The following CERS6 variants were observed in gnomAD, a reference collection of about 807,000 sequenced individuals.
CERS6 encodes LAG1 homolog, ceramide synthase 6.
CERS6 carries 26 observed loss-of-function variants against 56.8 expected under a neutral mutation model. That is an observed-to-expected ratio of 0.46 (90% CI 0.34 to 0.63). The LOEUF is 0.63. Ranked by LOEUF, CERS6 falls within the 30% of genes least tolerant of loss-of-function variation. The pLI is 0.01. For missense variants in CERS6, 415 were observed against 467.5 expected, an observed-to-expected ratio of 0.89 and a Z score of 1.04; for synonymous variants, 164 against 173.3, an observed-to-expected ratio of 0.95 and a Z score of 0.42.
chr2:168,565,688 A>G (rs534527115), intron 3 of CERS6, among the ~76,000 whole-genome samples: 2 of 152,350 alleles, frequency 1.3e-5, no homozygotes, highest in East Asian at 3.9e-4. Context: ...AGATGGAATG[A>G]GTAGAAGCTG....
At chr2:168,707,493 A>G (rs1475025369) in intron 6 of CERS6, among the ~76,000 whole-genome samples, 1 of 152,184 alleles carries the variant, frequency 6.6e-6, no homozygotes, top group Non-Finnish European at 1.5e-5. Flanking sequence ...TATTTATCTT[A>G]GGGTGCATAG....
chr2:168,472,079 G>A lies in CERS6; in HGVS notation c.170+15461G>A, dbSNP rs542454859. 3.3e-5 allele frequency among the ~76,000 whole-genome samples: 5 copies of A among 152,242 alleles called. No individual in the cohort carries two copies. The South Asian group carries it at 1.0e-3, about 32-fold the overall frequency. On this transcript the variant is annotated intron_variant, in intron 1 of 9. Transcript: ENST00000305747. ...GCTTAAAATTCCATCTTGGAGAAACGCTGATTCAGTCACCATTATACCCTA... is the reference window on the plus strand; with the variant it reads ...GCTTAAAATTCCATCTTGGAGAAACACTGATTCAGTCACCATTATACCCTA...
At chr2:168,720,210 A>G (rs903043662) in intron 8 of CERS6, among the ~76,000 whole-genome samples, 3 of 152,024 alleles carry the variant, frequency 2.0e-5, no homozygotes, top group African/African-American at 7.3e-5. Context: ...GATTACAGGC[A>G]TGAGCCACCG....
intron 8 of CERS6, among the ~76,000 whole-genome samples, chr2:168,725,155 A>C (rs887732310): frequency 4.6e-5 from 7 of 152,208 alleles, no homozygotes; most frequent in African/African-American, 1.7e-4. Flanking sequence ...TAAGCCCCTC[A>C]TTGCCCAGGG....
intron 1 of CERS6, among the ~76,000 whole-genome samples, chr2:168,530,038 A>G (rs1437595177): frequency 4.6e-5 from 7 of 152,214 alleles, no homozygotes; most frequent in Non-Finnish European, 1.0e-4. Context: ...TCTGAGGAAG[A>G]TGAATGATAA....
chr2:168,763,528 C>T (rs1684641093), intron 8 of CERS6, among the ~76,000 whole-genome samples: 1 of 152,216 alleles, frequency 6.6e-6, no homozygotes, highest in East Asian at 1.9e-4. Context: ...TCCCAAAGTG[C>T]TGGGATTACA....
chr2:168,491,006 A>G (rs1694361510), intron 1 of CERS6, among the ~76,000 whole-genome samples: 1 of 152,112 alleles, frequency 6.6e-6, no homozygotes, highest in Non-Finnish European at 1.5e-5. Flanking sequence ...GGCAGGTAAC[A>G]TTTTCTGAGG....
At chr2:168,661,566 T>C (rs1685629423) in intron 4 of CERS6, among the ~76,000 whole-genome samples, 1 of 152,220 alleles carries the variant, frequency 6.6e-6, no homozygotes, top group Non-Finnish European at 1.5e-5. Context: ...GGTTCATTAG[T>C]AGTTCAGAGG....
chr2:168,712,282 G>A lies in CERS6; in HGVS notation c.610-2719G>A, dbSNP rs188251140. On this transcript the variant is annotated intron_variant, in intron 6 of 9. Transcript: ENST00000305747. The stretch of plus-strand genomic sequence containing the variant: ...TGTAAACCAGATGTTCAGCTTGGCT[G>A]AACATCCACCAACCTTAGCACTGTC... Among the ~76,000 whole-genome samples, 41 of 152,274 alleles carry A rather than the reference G, an allele frequency of 2.7e-4. 2 individuals are homozygous for A. The highest frequency in any genetic ancestry group is 2.5e-3 in the Admixed American group (38 of 15,304).
chr2:168,654,568 C>A (rs1236242406), intron 4 of CERS6, among the ~76,000 whole-genome samples: 2 of 151,902 alleles, frequency 1.3e-5, no homozygotes, highest in Non-Finnish European at 2.9e-5. Context: ...AAACAAAAAA[C>A]CCAAAAATGT....
intron 4 of CERS6, among the ~76,000 whole-genome samples, chr2:168,649,279 T>C (rs1685282471): frequency 6.6e-6 from 1 of 152,070 alleles, no homozygotes; most frequent in African/African-American, 2.4e-5. Context: ...AGAGAGGTTA[T>C]GTAACCTTAA....
intron 1 of CERS6, among the ~76,000 whole-genome samples, chr2:168,533,819 T>C (rs1695209931): frequency 6.6e-6 from 1 of 152,162 alleles, no homozygotes; most frequent in South Asian, 2.1e-4. Context: ...TTCCAGCTTG[T>C]TTCCATTCTC....
intron 3 of CERS6, among the ~76,000 whole-genome samples, chr2:168,582,423 C>T (rs994528042): frequency 1.3e-5 from 2 of 152,092 alleles, no homozygotes; most frequent in African/African-American, 4.8e-5. Flanking sequence ...TATCTTGTCA[C>T]CTCTGATGCT....
chr2:168,627,233 T>C (rs186090819), intron 3 of CERS6, among the ~76,000 whole-genome samples: 28 of 152,324 alleles, frequency 1.8e-4, no homozygotes, highest in African/African-American at 6.7e-4. Context: ...AAATTATCCC[T>C]TAAAAACAAG....
chr2:168,746,811 AT>A (rs1684116337), intron 8 of CERS6, among the ~76,000 whole-genome samples: 1 of 117,808 alleles, frequency 8.5e-6, no homozygotes, highest in African/African-American at 3.4e-5. Flanking sequence ...ATATATATAT[AT>A]ATATATATAA....
chr2:168,747,567 A>G (rs762234750), intron 8 of CERS6, among the ~76,000 whole-genome samples: 1 of 152,208 alleles, frequency 6.6e-6, no homozygotes, highest in Non-Finnish European at 1.5e-5. Flanking sequence ...ATATATAGCC[A>G]AATTATTTTC....
intron 6 of CERS6, among the ~76,000 whole-genome samples, chr2:168,703,880 G>A (rs1686867399): frequency 6.6e-6 from 1 of 152,126 alleles, no homozygotes; most frequent in African/African-American, 2.4e-5. Flanking sequence ...CCTGTGTCCT[G>A]TTTCTTTCTC....
chr2:168,714,998 A>G lies in CERS6; in HGVS notation c.610-3A>G. 6.2e-7 allele frequency: 1 copy of G among 1,600,108 alleles called. No individual in the cohort carries two copies. The highest frequency in any genetic ancestry group is 8.5e-7 in the Non-Finnish European group (1 of 1,175,464). On this transcript the variant is annotated splice_polypyrimidine_tract_variant and splice_region_variant and intron_variant, in intron 6 of 9. Transcript: ENST00000305747. Reference sequence around the variant, plus strand: ...TAATATGGATGTTTCTTCTTTCCTCAAGGACTTTGGCATTATGTTCCTGCA... The same window carrying G: ...TAATATGGATGTTTCTTCTTTCCTCGAGGACTTTGGCATTATGTTCCTGCA...
chr2:168,659,017 G>C (rs1685562348), intron 4 of CERS6, among the ~76,000 whole-genome samples: 1 of 152,238 alleles, frequency 6.6e-6, no homozygotes, highest in Non-Finnish European at 1.5e-5. Flanking sequence ...TATCCTCTTT[G>C]TGAGGACTTC....
Sources: allele counts gnomAD v4.1 joint callset (sites outside exome capture counted in the v4.1 genomes callset), GRCh38; gene constraint gnomAD v4.1.1; transcripts MANE v1.5; gene names NCBI Gene and HGNC (gene_info 2026-07-23, HGNC 2026-07-21).